The following USO1 variants were observed in gnomAD, a reference collection of about 807,000 sequenced individuals.
USO1 encodes the protein general vesicular transport factor p115.
Under a neutral mutation model 124.5 loss-of-function variants are expected in USO1, and 57 were observed. The observed-to-expected ratio is 0.46, with a 90% CI of 0.37 to 0.57. USO1 has a LOEUF of 0.57. Among genes scored for constraint, USO1 ranks in the 20% least tolerant of loss-of-function variants. The pLI, the probability that USO1 is intolerant of heterozygous loss-of-function variation, is 0.00. For missense variants in USO1, 900 were observed against 1,040.6 expected, an observed-to-expected ratio of 0.86 and a Z score of 1.86; for synonymous variants, 369 against 362.8, an observed-to-expected ratio of 1.02 and a Z score of -0.19.
intron 10 of USO1, 88 bp from the exon 11 acceptor site, chr4:75,790,059 CAAA>C: frequency 2.4e-6 from 2 of 850,866 alleles, no homozygotes; most frequent in South Asian, 2.9e-5. Context: ...AAAAAAAAAA[CAAA>C]AAAAAAAGAT....
chr4:75,757,564 G>A lies in USO1; in HGVS notation c.286G>A (p.Glu96Lys). The A allele has an allele frequency of 8.1e-6, 12 of 1,488,508 alleles. No homozygotes were observed. The highest frequency in any genetic ancestry group is 1.4e-5 in the African/African-American group (1 of 69,248). The allele number at this position is 1,488,508 out of a possible 1,614,324, so 92.2% of individuals were successfully genotyped here. ...TAATATAATATCTAATGAAGAAGAAGAAGAAGTAGGTAAGTTTCCAGTTAT... is the reference window on the plus strand; with the variant it reads ...TAATATAATATCTAATGAAGAAGAAAAAGAAGTAGGTAAGTTTCCAGTTAT... The part of the protein sequence containing the change: ...LYNIISNEEE[E>K]EVEENSTRQS... The change falls in exon 4 of 24, where the codon GAA becomes AAA. Residue 96 changes from glutamate (E) to lysine (K), a missense_variant. Physicochemically the swap from Glu to Lys is moderately conservative, Grantham distance 56. This residue lies in a region of USO1 where 538 missense variants were observed against 681.6 expected (regional missense o/e 0.79). Coordinates refer to ENST00000514213, the MANE Select transcript of USO1 (RefSeq NM_003715.4).
At position 75,809,057 on chromosome 4, in the gene USO1, T is replaced by C. The variant is rs755738178; in HGVS notation, c.2475+6T>C. 15 of 1,570,536 alleles carry C rather than the reference T, an allele frequency of 9.6e-6. No homozygotes were observed. Among genetic ancestry groups the C allele is most frequent in the Admixed American group, 2.0e-5 (1 of 50,622 alleles). On this transcript the variant is annotated splice_donor_region_variant and intron_variant, in intron 21 of 23. Coordinates refer to ENST00000514213, the MANE Select transcript of USO1 (RefSeq NM_003715.4). ...TACAGAAAACAGAAGCGTTTGTAAG[T>C]ATTTTCTCTTTTTTCTCTGGAAGGT...
At chr4:75,811,368 C>CTGG (rs1247668261) in intron 22 of USO1, among the ~76,000 whole-genome samples, 5 of 152,184 alleles carry the variant, frequency 3.3e-5, no homozygotes, top group African/African-American at 1.2e-4. Flanking sequence ...GTTGGCCAGG[C>CTGG]TGGTCTCAAA....
At chr4:75,735,145 G>T (rs983289110) in intron 1 of USO1, among the ~76,000 whole-genome samples, 24 of 152,046 alleles carry the variant, frequency 1.6e-4, no homozygotes, top group Admixed American at 1.4e-3. Context: ...AGACCTCCTT[G>T]GTTAGATGTA....
intron 12 of USO1, among the ~76,000 whole-genome samples, chr4:75,791,241 T>C (rs1411281604): frequency 1.3e-5 from 2 of 152,130 alleles, no homozygotes; most frequent in Non-Finnish European, 2.9e-5. Context: ...AAGATGAATT[T>C]TGCCAGGTGC....
At chr4:75,739,611 G>A (rs1412126477) in intron 1 of USO1, among the ~76,000 whole-genome samples, 24 of 147,974 alleles carry the variant, frequency 1.6e-4, no homozygotes, top group Non-Finnish European at 4.5e-5. Context: ...CGTGATCTCG[G>A]CTCACTGCAA....
chr4:75,790,606 A>G lies in USO1; in HGVS notation c.1086-37A>G, dbSNP rs142673009. 151 of 1,579,076 alleles carry G rather than the reference A, an allele frequency of 9.6e-5. No individual in the cohort carries two copies. In the East Asian group the frequency reaches 2.2e-3, roughly 23 times the overall value. ...TATTGACTTGTATACTTGGGTTGCA[A>G]TGTTTCATTTTGTTCTTTTCTTTTT... On this transcript the variant is annotated intron_variant, in intron 11 of 23. Transcript: ENST00000514213.
intron 17 of USO1, among the ~76,000 whole-genome samples, chr4:75,803,193 TTAGA>T (rs1229337157): frequency 6.6e-6 from 1 of 151,606 alleles, no homozygotes; most frequent in African/African-American, 2.4e-5. Flanking sequence ...ATCTACTTAA[TTAGA>T]TAGGATTAAA....
intron 13 of USO1, among the ~76,000 whole-genome samples, chr4:75,795,947 T>C (rs1722665391): frequency 1.3e-5 from 2 of 151,830 alleles, no homozygotes; most frequent in South Asian, 2.1e-4. Flanking sequence ...TTGTTTTGTT[T>C]TGTGTGAGTA....
chr4:75,755,378 T>G (rs1400369059), intron 3 of USO1: 1 of 507,966 alleles, frequency 2.0e-6, no homozygotes, highest in Non-Finnish European at 3.9e-6. Flanking sequence ...TCAGTCTATA[T>G]GTTGCAAGAA....
Position 75,800,685 on chromosome 4 carries a change from A to AT in USO1, c.1752dup (p.Ser585Ter). The AT allele has an allele frequency of 6.3e-7, 1 of 1,599,508 alleles. No homozygotes were observed. The highest frequency in any genetic ancestry group is 8.5e-7 in the Non-Finnish European group (1 of 1,176,254). ...GAATTTCATAGAGAAACTAGGATTT[A>AT]TTAGCAAACATGAGTTGTATTCCAG... On this transcript the variant is annotated frameshift_variant, in exon 16 of 24. Transcript: ENST00000514213. LOFTEE classifies it high-confidence loss of function.
intron 1 of USO1, among the ~76,000 whole-genome samples, chr4:75,727,058 T>C (rs1720484381): frequency 6.6e-6 from 1 of 152,254 alleles, no homozygotes; most frequent in Admixed American, 6.5e-5. Context: ...ATTTTTACTA[T>C]GTGTGGGTTG....
At chr4:75,785,807 G>T (rs913270435) in intron 9 of USO1, among the ~76,000 whole-genome samples, 5 of 151,920 alleles carry the variant, frequency 3.3e-5, no homozygotes, top group South Asian at 2.1e-4. Context: ...ATTATTTGTG[G>T]TACAATTGAC....
In USO1 at chr4:75,743,323, T is replaced by C. The variant is rs531026166; in HGVS notation, c.67-9050T>C. ...CTTTTAACTGTACAATTAAATTGTT[T>C]TTCCTTCTGATGGTAACATACTCAT... On this transcript the variant is annotated intron_variant, in intron 1 of 23. Coordinates refer to ENST00000514213, the MANE Select transcript of USO1 (RefSeq NM_003715.4). Among the ~76,000 whole-genome samples, 7 of 152,252 alleles carry C rather than the reference T, an allele frequency of 4.6e-5. No homozygotes were observed. In the East Asian group the frequency reaches 1.4e-3, roughly 29 times the overall value.
At position 75,724,704 on chromosome 4, in the gene USO1, G is replaced by GGCA; in HGVS notation, c.-111_-109dup. ...TGGCCGCCGAGTTGGAGGCGGTGGT[G>GGCA]GCAGCAGTAGGAGTGTGTAGAGTGC... On this transcript the variant is annotated 5_prime_UTR_variant, in exon 1 of 24. Coordinates refer to ENST00000514213, the MANE Select transcript of USO1 (RefSeq NM_003715.4). 9.8e-7 allele frequency: 1 copy of GGCA among 1,022,636 alleles called. No homozygotes were observed. The highest frequency in any genetic ancestry group is 1.4e-6 in the Non-Finnish European group (1 of 704,594). 63.3% of individuals were successfully genotyped at this position (1,022,636 alleles called of 1,614,324 possible). A position where few individuals can be genotyped will look rare whatever the true frequency, so the allele number is the denominator to read the frequency against.
chr4:75,809,291 T>A (rs6531934), intron 21 of USO1, among the ~76,000 whole-genome samples: 21,334 of 116,354 alleles, frequency 0.18, 2,595 homozygotes, highest in African/African-American at 0.35. Context: ...ACATTCTATT[T>A]CTGTCCCTTC....
In USO1 at chr4:75,800,614, G is replaced by C; in HGVS notation, c.1683-4G>C. On this transcript the variant is annotated splice_polypyrimidine_tract_variant and splice_region_variant and intron_variant, in intron 15 of 23. Transcript: ENST00000514213. Reference sequence around the variant, plus strand: ...AAAGCATCTCAATATGCTTATCTCCGTAGAGAGAAGCTAAAACAACTGATT... The same window carrying C: ...AAAGCATCTCAATATGCTTATCTCCCTAGAGAGAAGCTAAAACAACTGATT... The C allele has an allele frequency of 6.5e-7, 1 of 1,549,614 alleles. No individual in the cohort carries two copies. Among genetic ancestry groups the C allele is most frequent in the Non-Finnish European group, 8.6e-7 (1 of 1,157,012 alleles).
rs1560452370 is a variant in USO1, at chr4:75,782,805, G to A, written c.802G>A (p.Glu268Lys). The change falls in exon 9 of 24, where the codon GAA (glutamate) becomes AAA (lysine). Residue 268 changes from glutamate to lysine, a missense_variant. Glu to Lys is a moderately conservative substitution (Grantham distance 56). Transcript: ENST00000514213. ...RMKPWFEVGD[E>K]NSGWSAQKVT... ...GAAACCTTGGTTTGAAGTTGGAGAT[G>A]AAAATTCTGGCTGGTCTGCACAGAA... 1 of 1,606,548 alleles carries A rather than the reference G, an allele frequency of 6.2e-7. No individual in the cohort carries two copies. The highest frequency in any genetic ancestry group is 2.2e-5 in the East Asian group (1 of 44,690).
At position 75,812,249 on chromosome 4, in the gene USO1, G is replaced by C. The variant is rs781168755; in HGVS notation, c.2673G>C (p.Glu891Asp). 1 of 1,609,830 alleles carries C rather than the reference G, an allele frequency of 6.2e-7. No homozygotes were observed. Among genetic ancestry groups the C allele is most frequent in the Non-Finnish European group, 8.5e-7 (1 of 1,178,030 alleles). Residue 891 changes from glutamate (E) to aspartate (D), a missense_variant, in exon 23 of 24, where the codon GAG becomes GAC. By Grantham distance (45) the Glu-to-Asp change is conservative (BLOSUM62 2). This residue lies in a region of USO1 where 362 missense variants were observed against 359.0 expected (regional missense o/e 1.01). Transcript: ENST00000514213. ...SNSTIAILQT[E>D]KDKLELEITD... ...GTACCATTGCCATTTTACAAACTGAGAAAGACAAACTAGAGTTGGAAATTA... is the reference window on the plus strand; with the variant it reads ...GTACCATTGCCATTTTACAAACTGACAAAGACAAACTAGAGTTGGAAATTA...
Sources: allele counts gnomAD v4.1 joint callset (sites outside exome capture counted in the v4.1 genomes callset), GRCh38; gene constraint gnomAD v4.1.1; regional missense constraint gnomAD v4.1.1; transcripts MANE v1.5; gene names NCBI Gene and HGNC (gene_info 2026-07-23, HGNC 2026-07-21).